The following KATNBL1 variants were observed in gnomAD, a reference collection of about 807,000 sequenced individuals.
KATNBL1 encodes the protein KATNB1-like protein 1.
In KATNBL1, 28 loss-of-function variants were observed where a neutral mutation model predicts 44.7. That is an observed-to-expected ratio of 0.63 (90% CI 0.46 to 0.86). The LOEUF (loss-of-function observed/expected upper bound fraction) is 0.86. KATNBL1 is among the 40% of genes least tolerant of loss of function. The probability of loss-of-function intolerance (pLI) is 0.00; values close to 1 mark genes in which losing one functional copy is unlikely to be tolerated. For missense variants in KATNBL1, 272 were observed against 350.7 expected (o/e 0.78, Z 1.79); for synonymous variants, 78 against 114.9 (o/e 0.68, Z 2.06).
intron 1 of KATNBL1, among the ~76,000 whole-genome samples, chr15:34,175,154 A>ACG (rs1209261655): frequency 6.8e-6 from 1 of 147,116 alleles, no homozygotes; most frequent in African/African-American, 2.5e-5. Flanking sequence ...ACACACACAC[A>ACG]CACGCATATA....
At chr15:34,176,612 A>G (rs1031033529) in intron 1 of KATNBL1, among the ~76,000 whole-genome samples, 1 of 152,208 alleles carries the variant, frequency 6.6e-6, no homozygotes, top group African/African-American at 2.4e-5. Context: ...GAAATGTTCT[A>G]TAATTATACT....
intron 1 of KATNBL1, among the ~76,000 whole-genome samples, chr15:34,197,454 A>C (rs1053878181): frequency 1.3e-5 from 2 of 152,214 alleles, no homozygotes; most frequent in African/African-American, 4.8e-5. Flanking sequence ...AATGTTAGCT[A>C]TTATCAAGTT....
chr15:34,182,939 C>A (rs1239120130), intron 1 of KATNBL1, among the ~76,000 whole-genome samples: 1 of 152,186 alleles, frequency 6.6e-6, no homozygotes, highest in East Asian at 1.9e-4. Flanking sequence ...TGCCAAAACT[C>A]ACGGAAAGGA....
intron 2 of KATNBL1, among the ~76,000 whole-genome samples, chr15:34,160,591 C>T (rs902956488): frequency 5.9e-5 from 9 of 152,014 alleles, no homozygotes; most frequent in African/African-American, 9.7e-5. Context: ...GTTTTGGATG[C>T]GGGGTTTAGA....
intron 1 of KATNBL1, among the ~76,000 whole-genome samples, chr15:34,182,006 C>G (rs1041288546): frequency 1.3e-5 from 2 of 151,166 alleles, no homozygotes; most frequent in African/African-American, 4.9e-5. Context: ...GGTGTAGGCA[C>G]TGAAGACATA....
chr15:34,187,464 A>G (rs1436715183), intron 1 of KATNBL1, among the ~76,000 whole-genome samples: 1 of 152,224 alleles, frequency 6.6e-6, no homozygotes, highest in Non-Finnish European at 1.5e-5. Flanking sequence ...GGTTCTGGCC[A>G]GAAAAATCGA....
At chr15:34,164,348 C>A (rs1051915523) in intron 1 of KATNBL1, among the ~76,000 whole-genome samples, 1 of 145,390 alleles carries the variant, frequency 6.9e-6, no homozygotes, top group African/African-American at 2.5e-5. Context: ...GTATCTATGA[C>A]ATCCAAATGT....
At chr15:34,208,236 C>T (rs1303707155) in intron 1 of KATNBL1, among the ~76,000 whole-genome samples, 2 of 152,146 alleles carry the variant, frequency 1.3e-5, no homozygotes, top group African/African-American at 2.4e-5. Context: ...AGTCTTCTAT[C>T]CTTCATCCCC....
At chr15:34,201,393 A>G (rs1890173077) in intron 1 of KATNBL1, among the ~76,000 whole-genome samples, 1 of 152,222 alleles carries the variant, frequency 6.6e-6, no homozygotes, top group Non-Finnish European at 1.5e-5. Context: ...TATGAGAGAA[A>G]CTGGGGACAA....
At chr15:34,183,776 C>A (rs1889631394) in intron 1 of KATNBL1, among the ~76,000 whole-genome samples, 2 of 152,126 alleles carry the variant, frequency 1.3e-5, no homozygotes. Context: ...CATTAGAATG[C>A]CATGCAGAGA....
rs887981578 is a variant in KATNBL1 at position 34,178,367 on chromosome 15, C to T, written c.-14-14677G>A. 3.9e-5 allele frequency among the ~76,000 whole-genome samples: 6 copies of T among 152,098 alleles called. No individual in the cohort carries two copies. In the East Asian group the frequency reaches 9.6e-4, roughly 24 times the overall value. ...ACCTTTTCCTCTCTTTTCTAAGGCC[C>T]ACCAGGAGATTCATGGGGCCTTATC... On this transcript the variant is annotated intron_variant, in intron 1 of 9. Transcript: ENST00000256544.
chr15:34,208,935 A>G (rs1890362128), intron 1 of KATNBL1: 1 of 152,260 alleles, frequency 6.6e-6, no homozygotes, highest in South Asian at 2.1e-4. Context: ...GTACGGTACA[A>G]AAGTTACAAT....
chr15:34,185,754 G>A (rs62016522), intron 1 of KATNBL1, among the ~76,000 whole-genome samples: 1,957 of 152,252 alleles, frequency 0.013, 9 homozygotes, highest in Non-Finnish European at 0.02. Context: ...TAAAATCAGG[G>A]GTTTATATAG....
chr15:34,159,109 T>C (rs1225485943), intron 2 of KATNBL1, among the ~76,000 whole-genome samples: 2 of 151,852 alleles, frequency 1.3e-5, no homozygotes, highest in Non-Finnish European at 2.9e-5. Context: ...TTTGACTTGG[T>C]GAGGTGTACT....
chr15:34,176,699 A>G (rs1398419541), intron 1 of KATNBL1, among the ~76,000 whole-genome samples: 2 of 152,238 alleles, frequency 1.3e-5, no homozygotes, highest in Non-Finnish European at 1.5e-5. Flanking sequence ...TGGTATGTAC[A>G]TTTAAGACAG....
intron 1 of KATNBL1, among the ~76,000 whole-genome samples, chr15:34,166,266 G>A (rs1256343306): frequency 6.6e-6 from 1 of 152,262 alleles, no homozygotes; most frequent in South Asian, 2.1e-4. Flanking sequence ...CTTAGCAAAT[G>A]GCAGACCAGG....
At chr15:34,147,143 C>T in intron 7 of KATNBL1, 57 bp downstream of exon 7, 1 of 1,100,342 alleles carries the variant, frequency 9.1e-7, no homozygotes, top group South Asian at 1.3e-5. Flanking sequence ...ACTCACAAAG[C>T]ACAAAATCAA....
chr15:34,160,528 T>G (rs1181534684), intron 2 of KATNBL1, among the ~76,000 whole-genome samples: 1 of 152,238 alleles, frequency 6.6e-6, no homozygotes, highest in Non-Finnish European at 1.5e-5. Flanking sequence ...TGAGTCTTTT[T>G]AGGAATTTTA....
At chr15:34,187,062 G>A (rs1889737644) in intron 1 of KATNBL1, among the ~76,000 whole-genome samples, 1 of 152,228 alleles carries the variant, frequency 6.6e-6, no homozygotes. Context: ...GAGAGATGAT[G>A]ACAGAAGAGG....
Sources: allele counts gnomAD v4.1 joint callset (sites outside exome capture counted in the v4.1 genomes callset), GRCh38; gene constraint gnomAD v4.1.1; transcripts MANE v1.5; gene names NCBI Gene and HGNC (gene_info 2026-07-23, HGNC 2026-07-21).